The following PSMA1 variants were observed in gnomAD, a reference collection of about 807,000 sequenced individuals.
The protein encoded by PSMA1 is proteasome subunit alpha type-1.
In PSMA1, 3 loss-of-function variants were observed where a neutral mutation model predicts 38.4. The observed-to-expected ratio is 0.08, with a 90% CI of 0.04 to 0.20. The LOEUF is 0.20. Among genes scored for constraint, PSMA1 ranks in the 10% least tolerant of loss-of-function variants. PSMA1 has a pLI of 1.00. For synonymous variants in PSMA1, 101 were observed against 107.1 expected (o/e 0.94, Z 0.35); for missense variants, 227 against 325.3 (o/e 0.70, Z 2.32).
At chr11:14,615,431 C>T (rs1256312490) in intron 1 of PSMA1, among the ~76,000 whole-genome samples, 1 of 152,204 alleles carries the variant, frequency 6.6e-6, no homozygotes, top group East Asian at 1.9e-4. Flanking sequence ...ACTCAGAGGA[C>T]AGAAGAGTAC....
At chr11:14,549,906 T>C (rs1462121656) in intron 2 of PSMA1, among the ~76,000 whole-genome samples, 2 of 152,158 alleles carry the variant, frequency 1.3e-5, no homozygotes, top group Non-Finnish European at 2.9e-5. Flanking sequence ...GTAGGTAATA[T>C]GTTGGATGGG....
At chr11:14,557,405 A>T (rs1851952564) in intron 2 of PSMA1, among the ~76,000 whole-genome samples, 1 of 151,766 alleles carries the variant, frequency 6.6e-6, no homozygotes, top group Admixed American at 6.6e-5. Context: ...CACCACACCC[A>T]GCTAATTTTT....
intron 2 of PSMA1, among the ~76,000 whole-genome samples, chr11:14,591,528 T>C (rs1245492429): frequency 6.6e-6 from 1 of 152,214 alleles, no homozygotes; most frequent in Non-Finnish European, 1.5e-5. Context: ...GCTGGGTTCC[T>C]GAGTCTGGCG....
chr11:14,515,657 G>A (rs998947229), intron 4 of PSMA1, among the ~76,000 whole-genome samples: 8 of 151,348 alleles, frequency 5.3e-5, no homozygotes, highest in African/African-American at 1.2e-4. Context: ...GGGTTCAAGC[G>A]ATTCTCTTGC....
In PSMA1 at chr11:14,634,623, C is replaced by A. The variant is rs962889866; in HGVS notation, c.-166+8832G>T. 7.9e-5 allele frequency among the ~76,000 whole-genome samples: 12 copies of A among 152,126 alleles called. No homozygotes were observed. The South Asian group carries it at 2.3e-3, about 29-fold the overall frequency. On this transcript the variant is annotated intron_variant, in intron 1 of 10. Transcript: ENST00000418988. ...GCCTTCTGAAGTGTGGGATTACAGG[C>A]ATGAGCCACCGTGCATAGCCAAAAT... is the stretch of plus-strand genomic sequence containing the variant.
chr11:14,598,088 A>G (rs1163980401), intron 2 of PSMA1, among the ~76,000 whole-genome samples: 2 of 152,050 alleles, frequency 1.3e-5, no homozygotes, highest in Non-Finnish European at 2.9e-5. Flanking sequence ...CTGAGTTCTA[A>G]TTTGATTGCA....
At chr11:14,532,874 A>G (rs1234160452) in intron 2 of PSMA1, among the ~76,000 whole-genome samples, 1 of 152,118 alleles carries the variant, frequency 6.6e-6, no homozygotes, top group Non-Finnish European at 1.5e-5. Flanking sequence ...CCTGGGTGAC[A>G]GAGCAAGACT....
intron 2 of PSMA1, among the ~76,000 whole-genome samples, chr11:14,536,768 C>T (rs894084250): frequency 6.6e-6 from 1 of 151,960 alleles, no homozygotes; most frequent in Non-Finnish European, 1.5e-5. Context: ...CCCGCCACCA[C>T]GCCAGGCTAA....
intron 8 of PSMA1, among the ~76,000 whole-genome samples, chr11:14,509,731 T>C (rs1157932185): frequency 2.0e-5 from 3 of 147,730 alleles, no homozygotes; most frequent in Non-Finnish European, 4.5e-5. Flanking sequence ...TTTTTTTTTT[T>C]TGAGACGGAG....
chr11:14,521,184 G>T (rs1851521771), upstream of PSMA1, among the ~76,000 whole-genome samples: 1 of 94,250 alleles, frequency 1.1e-5, no homozygotes, highest in Middle Eastern at 5.7e-3. Flanking sequence ...GAGACTGGGT[G>T]TGGTGGCTCA....
At chr11:14,592,772 A>T (rs554836786) in intron 2 of PSMA1, among the ~76,000 whole-genome samples, 1 of 152,320 alleles carries the variant, frequency 6.6e-6, no homozygotes, top group Admixed American at 6.5e-5. Flanking sequence ...CTCAATAAAC[A>T]TTTTTTGAAT....
At chr11:14,630,026 C>G (rs1013447782) in intron 1 of PSMA1, among the ~76,000 whole-genome samples, 3 of 151,766 alleles carry the variant, frequency 2.0e-5, no homozygotes, top group Non-Finnish European at 2.9e-5. Context: ...TATCCTGAGA[C>G]TTTGCTGAAG....
intron 2 of PSMA1, among the ~76,000 whole-genome samples, chr11:14,595,926 G>T (rs899258449): frequency 6.6e-6 from 1 of 152,194 alleles, no homozygotes; most frequent in Non-Finnish European, 1.5e-5. Context: ...TGTATAAGGT[G>T]TAAGGGAGGG....
At chr11:14,512,800 T>C (rs1001837302) in intron 7 of PSMA1, among the ~76,000 whole-genome samples, 2 of 152,226 alleles carry the variant, frequency 1.3e-5, no homozygotes, top group Non-Finnish European at 2.9e-5. Flanking sequence ...CTAGCATATC[T>C]CCAAATTTAG....
Position 14,641,991 on chromosome 11 carries a change from C to T in PSMA1, c.-166+1464G>A, listed in dbSNP as rs145935820. 3.4e-3 allele frequency among the ~76,000 whole-genome samples: 523 copies of T among 152,308 alleles called. 6 individuals are homozygous for T. The highest frequency in any genetic ancestry group is 0.012 in the African/African-American group (486 of 41,564). The stretch of plus-strand genomic sequence containing the variant: ...TTGCTTAATGGCAGAGTATGAATGG[C>T]TAGGCCCAGACAAAAACTCACAAAA... On this transcript the variant is annotated intron_variant, in intron 1 of 10. Coordinates refer to the PSMA1 transcript ENST00000418988.
intron 7 of PSMA1, among the ~76,000 whole-genome samples, chr11:14,511,596 A>G (rs1851344270): frequency 6.6e-6 from 1 of 152,236 alleles, no homozygotes; most frequent in Non-Finnish European, 1.5e-5. Context: ...CACGTGATAA[A>G]ACCTAAAATG....
At position 14,616,231 on chromosome 11, in the gene PSMA1, G is replaced by GTTTTTTTTTTTTTTTTTTTTTT. The variant is rs34292683; in HGVS notation, c.-165-5081_-165-5080insAAAAAAAAAAAAAAAAAAAAAA. Among the ~76,000 whole-genome samples, 6 of 126,686 alleles carry GTTTTTTTTTTTTTTTTTTTTTT rather than the reference G, an allele frequency of 4.7e-5. 2 individuals are homozygous for GTTTTTTTTTTTTTTTTTTTTTT. Among genetic ancestry groups the GTTTTTTTTTTTTTTTTTTTTTT allele is most frequent in the Non-Finnish European group, 6.6e-5 (4 of 60,256 alleles). The allele number at this position is 126,686 out of a possible 152,430, so 83.1% of individuals were successfully genotyped here. ...AGGTGAGAGTTGGAGGATCCCAACA[G>GTTTTTTTTTTTTTTTTTTTTTT]TTTTTTTTTTTTTTTTTTTTGAGAC... On this transcript the variant is annotated intron_variant, in intron 1 of 10. Coordinates refer to the PSMA1 transcript ENST00000418988.
At chr11:14,517,577 T>C in intron 4 of PSMA1, 65 bp downstream of exon 4, 1 of 1,280,032 alleles carries the variant, frequency 7.8e-7, no homozygotes, top group South Asian at 1.5e-5. Flanking sequence ...CTTATCTGGA[T>C]CTTTTTGAGA....
chr11:14,610,460 A>G (rs1438314761), intron 2 of PSMA1, among the ~76,000 whole-genome samples: 1 of 152,140 alleles, frequency 6.6e-6, no homozygotes, highest in South Asian at 2.1e-4. Context: ...TACTATTGTA[A>G]TCACCCTCAG....
Sources: allele counts gnomAD v4.1 joint callset (sites outside exome capture counted in the v4.1 genomes callset), GRCh38; gene constraint gnomAD v4.1.1; transcripts MANE v1.5; gene names NCBI Gene and HGNC (gene_info 2026-07-23, HGNC 2026-07-21).